Variants in MAP4K4 observed in about 807,000 individuals in gnomAD.
The protein encoded by MAP4K4 is mitogen-activated protein kinase kinase kinase kinase 4.
Under a neutral mutation model 189.6 loss-of-function variants are expected in MAP4K4, and 38 were observed. The ratio of observed to expected loss-of-function variants is 0.20; its 90% CI spans 0.15 to 0.26. MAP4K4 has a LOEUF of 0.26. Among genes scored for constraint, MAP4K4 ranks in the 10% least tolerant of loss-of-function variants. The pLI, the probability that MAP4K4 is intolerant of heterozygous loss-of-function variation, is 1.00. For missense variants in MAP4K4, 1,054 were observed against 1,726.9 expected, an observed-to-expected ratio of 0.61 and a Z score of 6.91; for synonymous variants, 610 against 624.3, an observed-to-expected ratio of 0.98 and a Z score of 0.34.
intron 3 of MAP4K4, among the ~76,000 whole-genome samples, chr2:101,810,421 ATAAG>A (rs2095344852): frequency 6.6e-6 from 1 of 152,214 alleles, no homozygotes; most frequent in Non-Finnish European, 1.5e-5. Flanking sequence ...TAATTAATAT[ATAAG>A]TAACATCATT....
At chr2:101,852,711 CAG>C (rs1169381728) in intron 12 of MAP4K4, among the ~76,000 whole-genome samples, 30 of 152,086 alleles carry the variant, frequency 2.0e-4, no homozygotes, top group Admixed American at 7.2e-4. Flanking sequence ...TACATATATA[CAG>C]AGAGAGTATG....
chr2:101,795,854 C>T (rs923230171), intron 3 of MAP4K4, among the ~76,000 whole-genome samples: 1 of 152,060 alleles, frequency 6.6e-6, no homozygotes, highest in Admixed American at 6.5e-5. Flanking sequence ...GATAAAACAA[C>T]ACATTTTTAT....
chr2:101,831,096 G>A (rs1358804750), intron 6 of MAP4K4, among the ~76,000 whole-genome samples: 1 of 152,186 alleles, frequency 6.6e-6, no homozygotes, highest in Non-Finnish European at 1.5e-5. Flanking sequence ...TAGAGGTCAT[G>A]GTCTTCCTGC....
intron 2 of MAP4K4, among the ~76,000 whole-genome samples, chr2:101,705,126 C>G (rs1231810886): frequency 2.0e-5 from 3 of 152,142 alleles, no homozygotes; most frequent in Admixed American, 1.3e-4. Flanking sequence ...TGGACTCTTA[C>G]AAACTTTGTT....
intron 2 of MAP4K4, among the ~76,000 whole-genome samples, chr2:101,712,405 A>C (rs927177063): frequency 8.5e-5 from 13 of 152,254 alleles, no homozygotes; most frequent in Middle Eastern, 3.4e-3. Flanking sequence ...CGTGTTAGCC[A>C]GGATGGTCTT....
At chr2:101,746,875 A>G (rs1021489327) in intron 2 of MAP4K4, among the ~76,000 whole-genome samples, 1 of 152,096 alleles carries the variant, frequency 6.6e-6, no homozygotes, top group Non-Finnish European at 1.5e-5. Context: ...AGCCCAGTGT[A>G]TATTGTTGCT....
chr2:101,746,979 T>C (rs1019289265), intron 2 of MAP4K4, among the ~76,000 whole-genome samples: 3 of 152,194 alleles, frequency 2.0e-5, no homozygotes, highest in African/African-American at 4.8e-5. Flanking sequence ...TGTGTCCCCC[T>C]ACTCTTTCGC....
At chr2:101,771,206 C>T (rs766898633) in intron 2 of MAP4K4, among the ~76,000 whole-genome samples, 1 of 152,132 alleles carries the variant, frequency 6.6e-6, no homozygotes, top group South Asian at 2.1e-4. Flanking sequence ...ATTTATAAAA[C>T]CCAGAAAGCC....
At chr2:101,794,538 GT>G (rs1345063552) in intron 3 of MAP4K4, among the ~76,000 whole-genome samples, 4 of 151,990 alleles carry the variant, frequency 2.6e-5, no homozygotes, top group Non-Finnish European at 5.9e-5. Flanking sequence ...TTAACATTTT[GT>G]TTGTGTGTGT....
chr2:101,812,130 G>A (rs2095467861), intron 3 of MAP4K4, among the ~76,000 whole-genome samples: 1 of 152,110 alleles, frequency 6.6e-6, no homozygotes, highest in Non-Finnish European at 1.5e-5. Context: ...ATTCAAGATA[G>A]GTGTGTGGTA....
chr2:101,813,114 G>A (rs556192176), intron 3 of MAP4K4, among the ~76,000 whole-genome samples: 9 of 152,134 alleles, frequency 5.9e-5, no homozygotes, highest in East Asian at 3.9e-4. Context: ...GCAAGATTTC[G>A]TCTCAAAATA....
At chr2:101,705,297 T>C (rs1455927194) in intron 2 of MAP4K4, among the ~76,000 whole-genome samples, 1 of 152,110 alleles carries the variant, frequency 6.6e-6, no homozygotes, top group Non-Finnish European at 1.5e-5. Flanking sequence ...TCTACCCTTA[T>C]GGAACTCAAG....
intron 2 of MAP4K4, among the ~76,000 whole-genome samples, chr2:101,742,767 T>TA (rs1393688612): frequency 1.3e-5 from 2 of 152,204 alleles, no homozygotes; most frequent in Non-Finnish European, 2.9e-5. Context: ...GATGACATAT[T>TA]ACTCCTAACT....
chr2:101,744,603 G>A (rs1030720001), intron 2 of MAP4K4, among the ~76,000 whole-genome samples: 3 of 152,068 alleles, frequency 2.0e-5, no homozygotes, highest in African/African-American at 7.2e-5. Context: ...GTTGGGGGGT[G>A]TGTGAGGAGT....
intron 2 of MAP4K4, among the ~76,000 whole-genome samples, chr2:101,750,841 A>G (rs1288929581): frequency 6.6e-6 from 1 of 151,408 alleles, no homozygotes; most frequent in African/African-American, 2.4e-5. Context: ...AAAAAAAAGA[A>G]GGAACAAAGA....
At chr2:101,823,847 C>G (rs1676497319) in intron 3 of MAP4K4, 81 bp from the exon 4 acceptor site, 2 of 1,219,208 alleles carry the variant, frequency 1.6e-6, no homozygotes, top group Non-Finnish European at 1.1e-6. Flanking sequence ...GTGTTCCTTT[C>G]ATTATTGTAT....
intron 3 of MAP4K4, among the ~76,000 whole-genome samples, chr2:101,794,856 T>TA (rs2093498632): frequency 6.6e-6 from 1 of 152,212 alleles, no homozygotes; most frequent in South Asian, 2.1e-4. Flanking sequence ...TGTAAGAATT[T>TA]AGCCAGATTG....
intron 2 of MAP4K4, among the ~76,000 whole-genome samples, chr2:101,753,617 G>A (rs1161385123): frequency 1.3e-5 from 2 of 151,148 alleles, no homozygotes; most frequent in African/African-American, 4.9e-5. Context: ...ACCACTTTTA[G>A]CATTTTATGA....
exon 5 of MAP4K4, chr2:101,825,387 C>T (rs773806505): frequency 1.2e-6 from 2 of 1,613,654 alleles, no homozygotes; most frequent in African/African-American, 1.3e-5. Context: ...GGAACACACT[C>T]AAAGAAGACT....
Sources: gnomAD v4.1 joint callset for allele counts (sites outside exome capture counted in the v4.1 genomes callset) on GRCh38, gnomAD v4.1.1 for gene constraint, MANE v1.5 for transcripts, NCBI Gene and HGNC (gene_info 2026-07-23, HGNC 2026-07-21) for gene names.